Variants in MTRR observed in about 807,000 individuals in gnomAD.
MTRR encodes the protein 5-methyltetrahydrofolate-homocysteine methyltransferase reductase.
Under a neutral mutation model 79.2 loss-of-function variants are expected in MTRR, and 63 were observed. The observed-to-expected ratio is 0.80, with a 90% confidence interval of 0.65 to 0.98. MTRR has a LOEUF of 0.98. Ranked by LOEUF, MTRR falls within the 50% of genes least tolerant of loss-of-function variation. MTRR has a pLI of 0.00. For missense variants in MTRR, 895 were observed against 839.6 expected, an observed-to-expected ratio of 1.07 and a Z score of -0.82; for synonymous variants, 355 against 313.3, an observed-to-expected ratio of 1.13 and a Z score of -1.41.
chr5:7,857,130 ATTTT>A (rs902914301), intron 1 of MTRR, among the ~76,000 whole-genome samples: 1 of 151,958 alleles, frequency 6.6e-6, no homozygotes, highest in Non-Finnish European at 1.5e-5. Context: ...AAGTAAAACA[ATTTT>A]TTTTCATTCA....
In MTRR at chr5:7,885,845, A is replaced by G; in HGVS notation, c.1048A>G (p.Lys350Glu). ...CVLLKIKADT[K>E]KKGATLPQHI... ...CCTTTTGAAAATAAAGGCAGACACA[A>G]AGAAGAAAGGTAACAGCCCTGATGC... The change falls in exon 7 of 15, where the codon AAG (lysine) becomes GAG (glutamate). Residue 350 changes from lysine to glutamate, a missense_variant. Physicochemically the swap from Lys to Glu is moderately conservative, Grantham distance 56. Transcript: ENST00000440940. 1 of 1,614,062 alleles carries G rather than the reference A, an allele frequency of 6.2e-7. No homozygotes were observed. The highest frequency in any genetic ancestry group is 2.2e-5 in the East Asian group (1 of 44,882).
At chr5:7,892,241 G>A (rs535602447) in intron 10 of MTRR, among the ~76,000 whole-genome samples, 1 of 152,278 alleles carries the variant, frequency 6.6e-6, no homozygotes, top group Non-Finnish European at 1.5e-5. Flanking sequence ...TATTTACCGT[G>A]TAATGTGAAA....
At chr5:7,851,039 C>T, upstream of MTRR, 4 of 1,240,528 alleles carry the variant, frequency 3.2e-6, no homozygotes, top group Non-Finnish European at 4.0e-6. Flanking sequence ...CCGTCCAGCG[C>T]CCCCGCCTTG....
chr5:7,864,920 CAAG>C (rs1418479681), upstream of MTRR, among the ~76,000 whole-genome samples: 1 of 151,932 alleles, frequency 6.6e-6, no homozygotes, highest in African/African-American at 2.4e-5. Context: ...ACAGGATTTG[CAAG>C]AATGTTTATT....
At chr5:7,864,149 CA>C (rs1746764005), upstream of MTRR, among the ~76,000 whole-genome samples, 1 of 152,026 alleles carries the variant, frequency 6.6e-6, no homozygotes, top group African/African-American at 2.4e-5. Flanking sequence ...CTGCGCACGG[CA>C]AGAGTACATT....
chr5:7,881,907 A>C (rs556211216), intron 5 of MTRR, among the ~76,000 whole-genome samples: 7 of 152,166 alleles, frequency 4.6e-5, no homozygotes, highest in African/African-American at 1.7e-4. Context: ...TTACGGTTGC[A>C]TTGTTGCTGT....
intron 1 of MTRR, chr5:7,869,908 C>T (rs970592666): frequency 1.2e-5 from 3 of 247,976 alleles, no homozygotes; most frequent in African/African-American, 7.0e-5. Flanking sequence ...ATTCAGATAA[C>T]TTATCGAGTA....
In MTRR at chr5:7,885,699, A is replaced by G. The variant is rs751833826; in HGVS notation, c.904-2A>G. On this transcript the variant is annotated splice_acceptor_variant, in intron 6 of 14. Transcript: ENST00000440940. LOFTEE classifies it high-confidence loss of function. ...TTTTTTTTCATTTTGGCTCTTCTCT[A>G]GAATACAGACTTTTCCTATCAGCCT... The G allele has an allele frequency of 3.1e-6, 5 of 1,604,554 alleles. No individual in the cohort carries two copies. The highest frequency in any genetic ancestry group is 4.2e-6 in the Non-Finnish European group (5 of 1,177,232).
At chr5:7,870,133 TA>T in intron 1 of MTRR, 1 of 959,656 alleles carries the variant, frequency 1.0e-6, no homozygotes, top group Non-Finnish European at 1.2e-6. Flanking sequence ...GGATTGGAAA[TA>T]TTTTTTCGTT....
rs374038973 is a variant in MTRR at position 7,877,635 on chromosome 5, GTTTACCAATTC to G, written c.402-307_402-297del. ...TAAAATTATATCTTCTTAAAATAAA[GTTTACCAATTC>G]TGGAATATTAGGAGGAATTCTATTC... On this transcript the variant is annotated intron_variant, in intron 4 of 14. Coordinates refer to ENST00000440940, the MANE Select transcript of MTRR (RefSeq NM_002454.3). Among the ~76,000 whole-genome samples, 545 of 151,756 alleles carry G rather than the reference GTTTACCAATTC, an allele frequency of 3.6e-3. 4 individuals carry two copies. Among genetic ancestry groups the G allele is most frequent in the African/African-American group, 0.012 (512 of 41,368 alleles).
rs1195176651 is a variant in MTRR at position 7,895,722 on chromosome 5, G to A, written c.1558-12G>A. Reference sequence around the variant, plus strand: ...TTCTTTCATACTTACCACATTTGATGTAATATTTCAGATATCCATCTCTCC... The same window carrying A: ...TTCTTTCATACTTACCACATTTGATATAATATTTCAGATATCCATCTCTCC... On this transcript the variant is annotated splice_polypyrimidine_tract_variant and intron_variant, in intron 11 of 14. Transcript: ENST00000440940. 3 of 1,613,674 alleles carry A rather than the reference G, an allele frequency of 1.9e-6. No homozygotes were observed. The highest frequency in any genetic ancestry group is 2.7e-5 in the African/African-American group (2 of 74,886).
intron 1 of MTRR, chr5:7,859,616 G>C: frequency 1.1e-6 from 1 of 914,830 alleles, no homozygotes; most frequent in South Asian, 1.7e-5. Flanking sequence ...TACTTTGTTT[G>C]TTTCTTACAC....
At chr5:7,863,512 G>C (rs1015566803) in intron 2 of MTRR, among the ~76,000 whole-genome samples, 1 of 152,154 alleles carries the variant, frequency 6.6e-6, no homozygotes, top group African/African-American at 2.4e-5. Flanking sequence ...TTTTGAATTA[G>C]GGATGCTGAA....
intron 1 of MTRR, among the ~76,000 whole-genome samples, chr5:7,854,514 G>A (rs150354238): frequency 0.028 from 4,324 of 152,222 alleles, 203 homozygotes; most frequent in African/African-American, 0.099. Context: ...CATGGCTAGG[G>A]AGGCCTCAGA....
intron 4 of MTRR, among the ~76,000 whole-genome samples, 195 bp downstream of exon 4, chr5:7,875,570 ATCTCATCCTTGTCAG>A (rs1277333975): frequency 6.6e-6 from 1 of 152,242 alleles, no homozygotes; most frequent in Non-Finnish European, 1.5e-5. Context: ...TTTTGTGTCC[ATCTCATCCTTGTCAG>A]TATATGCTAA....
At chr5:7,870,212 G>C (rs1465716242) in intron 1 of MTRR, 7 of 329,338 alleles carry the variant, frequency 2.1e-5, no homozygotes, top group Admixed American at 5.7e-5. Flanking sequence ...TAATGAAGGA[G>C]AGTATGTGCT....
At chr5:7,890,905 A>G (rs920077120) in intron 9 of MTRR, among the ~76,000 whole-genome samples, 1 of 152,228 alleles carries the variant, frequency 6.6e-6, no homozygotes, top group Non-Finnish European at 1.5e-5. Context: ...AAAATATTTC[A>G]AGCCTAAGCA....
At chr5:7,869,523 A>G (rs529307475) in intron 1 of MTRR, 69 of 353,386 alleles carry the variant, frequency 2.0e-4, no homozygotes, top group African/African-American at 1.4e-3. Flanking sequence ...GCCTAGGGAA[A>G]CCGCACTCGG....
chr5:7,854,602 C>T (rs945745265), intron 1 of MTRR, among the ~76,000 whole-genome samples: 3 of 152,136 alleles, frequency 2.0e-5, no homozygotes, highest in African/African-American at 7.2e-5. Flanking sequence ...GCGGAAACCC[C>T]TGATAAAACT....
Sources: allele counts gnomAD v4.1 joint callset (sites outside exome capture counted in the v4.1 genomes callset), GRCh38; gene constraint gnomAD v4.1.1; transcripts MANE v1.5; gene names NCBI Gene and HGNC (gene_info 2026-07-23, HGNC 2026-07-21).